The following SLC30A9 variants were observed in gnomAD, a reference collection of about 807,000 sequenced individuals.
SLC30A9 encodes proton-coupled zinc antiporter SLC30A9, mitochondrial.
In SLC30A9, 58 loss-of-function variants were observed where a neutral mutation model predicts 87.5. The ratio of observed to expected loss-of-function variants is 0.66; its 90% CI spans 0.54 to 0.82. The LOEUF (loss-of-function observed/expected upper bound fraction) is 0.82. Ranked by LOEUF, SLC30A9 falls within the 40% of genes least tolerant of loss-of-function variation. The probability of loss-of-function intolerance (pLI) is 0.00; values close to 1 mark genes in which losing one functional copy is unlikely to be tolerated. For synonymous variants in SLC30A9, 234 were observed against 233.0 expected (o/e 1.00, Z -0.04); for missense variants, 557 against 679.1 (o/e 0.82, Z 2.00).
At chr4:42,050,814 T>C (rs1051826465) in intron 9 of SLC30A9, among the ~76,000 whole-genome samples, 2 of 152,334 alleles carry the variant, frequency 1.3e-5, no homozygotes, top group East Asian at 3.9e-4. Flanking sequence ...TCTGGCTTTT[T>C]GCTTGAACAC....
intron 15 of SLC30A9, among the ~76,000 whole-genome samples, chr4:42,073,490 A>G (rs892652532): frequency 6.6e-6 from 1 of 152,204 alleles, no homozygotes; most frequent in Non-Finnish European, 1.5e-5. Flanking sequence ...AAATTGGCCC[A>G]AAACTTAGTG....
At chr4:42,031,702 C>T (rs1716446040) in intron 6 of SLC30A9, among the ~76,000 whole-genome samples, 1 of 152,120 alleles carries the variant, frequency 6.6e-6, no homozygotes, top group African/African-American at 2.4e-5. Context: ...TCCTATCCCC[C>T]CAAAAAGAAT....
At chr4:42,086,056 A>C (rs775234219) in intron 17 of SLC30A9, 26 bp from the exon 18 acceptor site, 6 of 1,191,352 alleles carry the variant, frequency 5.0e-6, no homozygotes. Context: ...TGCTACAAAT[A>C]ATGTGGTGGT....
intron 9 of SLC30A9, among the ~76,000 whole-genome samples, 200 bp from the exon 10 acceptor site, chr4:42,059,991 A>G (rs1717778053): frequency 6.6e-6 from 1 of 152,098 alleles, no homozygotes; most frequent in Admixed American, 6.5e-5. Context: ...CATCTTTATA[A>G]ACAATGGTGT....
At chr4:42,029,808 T>TA (rs1447934604) in intron 6 of SLC30A9, 1 of 729,946 alleles carries the variant, frequency 1.4e-6, no homozygotes, top group East Asian at 2.6e-5. Context: ...CTTGGAGACT[T>TA]ACCCAGTGAT....
At chr4:41,995,726 T>C (rs1714670761) in intron 1 of SLC30A9, among the ~76,000 whole-genome samples, 1 of 152,154 alleles carries the variant, frequency 6.6e-6, no homozygotes, top group African/African-American at 2.4e-5. Context: ...GTATGTATTT[T>C]TGAGAAAGGG....
At chr4:42,075,857 T>A (rs1272966254) in intron 16 of SLC30A9, 71 bp downstream of exon 16, 5 of 1,426,486 alleles carry the variant, frequency 3.5e-6, no homozygotes, top group Non-Finnish European at 2.8e-6. Flanking sequence ...CAAAATGAAA[T>A]TTTTTTTTAT....
chr4:42,079,655 TGGAGTGCA>T lies in SLC30A9; in HGVS notation c.1662+1332_1662+1339del, dbSNP rs969322309. 1.4e-4 allele frequency among the ~76,000 whole-genome samples: 21 copies of T among 151,484 alleles called. 2 individuals carry two copies. The South Asian group carries it at 3.8e-3, about 27-fold the overall frequency. ...CGGAGTCTCGCACTGTCACCCGTGCTGGAGTGCAGTGGCACGATCTCAGCTCACCGCAG... is the reference window on the plus strand; with the variant it reads ...CGGAGTCTCGCACTGTCACCCGTGCTGTGGCACGATCTCAGCTCACCGCAG... On this transcript the variant is annotated intron_variant, in intron 17 of 17. Coordinates refer to ENST00000264451, the MANE Select transcript of SLC30A9 (RefSeq NM_006345.4).
chr4:42,018,259 A>T, intron 3 of SLC30A9, 89 bp downstream of exon 3: 1 of 797,838 alleles, frequency 1.3e-6, no homozygotes, highest in East Asian at 2.9e-5. Context: ...TTATAGTTAT[A>T]TTATTCTAAG....
At chr4:42,064,397 C>G (rs1426478471) in intron 11 of SLC30A9, among the ~76,000 whole-genome samples, 1 of 152,170 alleles carries the variant, frequency 6.6e-6, no homozygotes, top group African/African-American at 2.4e-5. Flanking sequence ...AATCTGTCTA[C>G]TTTTTTAATA....
At chr4:42,027,127 T>A (rs1449355090) in intron 6 of SLC30A9, among the ~76,000 whole-genome samples, 1 of 152,182 alleles carries the variant, frequency 6.6e-6, no homozygotes, top group Non-Finnish European at 1.5e-5. Context: ...AACAAATTGG[T>A]CTGCTGCCTG....
Position 42,069,329 on chromosome 4 carries a change from C to A in SLC30A9, c.1253-1197C>A, listed in dbSNP as rs28704170. ...AATTTATTCAAATTAAATTAAATAA[C>A]ATGCCAAGAAATAAAAGTTTTCTTA... is the stretch of plus-strand genomic sequence containing the variant. On this transcript the variant is annotated intron_variant, in intron 14 of 17. Transcript: ENST00000264451. 2.4e-3 allele frequency among the ~76,000 whole-genome samples: 368 copies of A among 152,134 alleles called. 1 individual carries two copies. Among genetic ancestry groups the A allele is most frequent in the African/African-American group, 8.3e-3 (346 of 41,530 alleles).
intron 14 of SLC30A9, among the ~76,000 whole-genome samples, chr4:42,067,495 A>C (rs1718124226): frequency 6.6e-6 from 1 of 152,224 alleles, no homozygotes; most frequent in Non-Finnish European, 1.5e-5. Context: ...TTATTTACCT[A>C]TAAAAGTGTG....
At chr4:42,006,939 T>A (rs746982833) in intron 2 of SLC30A9, among the ~76,000 whole-genome samples, 31 of 152,148 alleles carry the variant, frequency 2.0e-4, no homozygotes, top group Non-Finnish European at 3.4e-4. Flanking sequence ...TAAGCACTAG[T>A]CAGATCGGGG....
rs537929806 is a variant in SLC30A9, at chr4:42,078,258, T to G, written c.1595T>G (p.Leu532Arg). 6.3e-7 allele frequency: 1 copy of G among 1,589,294 alleles called. No homozygotes were observed. Among genetic ancestry groups the G allele is most frequent in the East Asian group, 2.3e-5 (1 of 44,204 alleles). ...KTPEELETFM[L>R]KHGENIIDTL... Reference sequence around the variant, plus strand: ...CCTGAAGAACTAGAGACCTTTATGCTTAAACATGGAGAAAATATTATTGAT... The same window carrying G: ...CCTGAAGAACTAGAGACCTTTATGCGTAAACATGGAGAAAATATTATTGAT... The change falls in exon 17 of 18, where the codon CTT becomes CGT. Residue 532 changes from leucine to arginine, a missense_variant. This residue lies in a region of SLC30A9 where 90 missense variants were observed against 149.4 expected (regional missense o/e 0.60). Coordinates refer to ENST00000264451, the MANE Select transcript of SLC30A9 (RefSeq NM_006345.4).
intron 17 of SLC30A9, among the ~76,000 whole-genome samples, chr4:42,084,130 C>T (rs1718834093): frequency 6.6e-6 from 1 of 152,078 alleles, no homozygotes; most frequent in Non-Finnish European, 1.5e-5. Context: ...TTTATTTTTG[C>T]AATTTTTATC....
chr4:42,046,078 C>T (rs878944425), intron 8 of SLC30A9, among the ~76,000 whole-genome samples: 4 of 152,116 alleles, frequency 2.6e-5, no homozygotes, highest in East Asian at 1.9e-4. Flanking sequence ...ATTGGCAGAA[C>T]GTATCTCAAA....
intron 8 of SLC30A9, among the ~76,000 whole-genome samples, chr4:42,043,309 G>C (rs1477730474): frequency 6.6e-6 from 1 of 152,086 alleles, no homozygotes; most frequent in African/African-American, 2.4e-5. Flanking sequence ...ACGCAAGAAA[G>C]CTAAGAACCT....
intron 2 of SLC30A9, among the ~76,000 whole-genome samples, chr4:42,017,312 AC>A (rs1258058497): frequency 6.7e-6 from 1 of 148,414 alleles, no homozygotes; most frequent in Non-Finnish European, 1.5e-5. Context: ...ATTCTTGATT[AC>A]TTTTGTTGAT....
Sources: gnomAD v4.1 joint callset for allele counts (sites outside exome capture counted in the v4.1 genomes callset) on GRCh38, gnomAD v4.1.1 for gene constraint, gnomAD v4.1.1 regional missense constraint, MANE v1.5 for transcripts, NCBI Gene and HGNC (gene_info 2026-07-23, HGNC 2026-07-21) for gene names.